The following RBM26 variants were observed in gnomAD, a reference collection of about 807,000 sequenced individuals.
RBM26 encodes RNA-binding protein 26.
RBM26 carries 30 observed loss-of-function variants against 123.6 expected under a neutral mutation model. The observed-to-expected ratio is 0.24, with a 90% confidence interval of 0.18 to 0.33. The LOEUF (loss-of-function observed/expected upper bound fraction) is 0.33, where lower values mean the gene tolerates loss of function less well. RBM26 is among the 10% of genes least tolerant of loss of function. The probability of loss-of-function intolerance (pLI) is 1.00; values close to 1 mark genes in which losing one functional copy is unlikely to be tolerated. For synonymous variants in RBM26, 400 were observed against 404.4 expected, an observed-to-expected ratio of 0.99 and a Z score of 0.13; for missense variants, 947 against 1,203.6, an observed-to-expected ratio of 0.79 and a Z score of 3.15.
chr13:79,335,708 C>CT (rs2070246081), intron 19 of RBM26, among the ~76,000 whole-genome samples: 2 of 152,102 alleles, frequency 1.3e-5, no homozygotes, highest in South Asian at 4.1e-4. Context: ...TTTAGAGGCT[C>CT]TGAATACTTC....
At chr13:79,328,326 A>G (rs986544367) in intron 20 of RBM26, among the ~76,000 whole-genome samples, 62 of 152,156 alleles carry the variant, frequency 4.1e-4, no homozygotes, top group African/African-American at 1.5e-3. Context: ...TCTGGAACAC[A>G]CCCAAATAAA....
At position 79,347,581 on chromosome 13, in the gene RBM26, A is replaced by C. The variant is rs376850273; in HGVS notation, c.2059-2787T>G. ...AACAGAGACAGTGACTTCTCCAAAC[A>C]ACCACATTTCTATATTCCAAATGCA... On this transcript the variant is annotated intron_variant, in intron 14 of 21. Coordinates refer to ENST00000438737, the MANE Select transcript of RBM26 (RefSeq NM_001366735.2). Among the ~76,000 whole-genome samples, 359 of 152,324 alleles carry C rather than the reference A, an allele frequency of 2.4e-3. 2 individuals are homozygous for C. The highest frequency in any genetic ancestry group is 8.2e-3 in the African/African-American group (339 of 41,584).
At chr13:79,405,137 A>G (rs954053081) in intron 1 of RBM26, among the ~76,000 whole-genome samples, 1 of 152,212 alleles carries the variant, frequency 6.6e-6, no homozygotes, top group African/African-American at 2.4e-5. Flanking sequence ...TGAAGATTCA[A>G]TTTTCTTCCT....
chr13:79,390,273 G>C (rs1338788011), intron 1 of RBM26, among the ~76,000 whole-genome samples: 3 of 151,996 alleles, frequency 2.0e-5, no homozygotes, highest in African/African-American at 7.3e-5. Context: ...ATACTACTCA[G>C]CAATACAAAG....
chr13:79,362,032 A>C (rs2074753194), intron 9 of RBM26, among the ~76,000 whole-genome samples: 1 of 152,112 alleles, frequency 6.6e-6, no homozygotes. Context: ...AAGATTAAGG[A>C]CCAAAGTTCT....
At chr13:79,395,022 A>C (rs1056051606) in intron 1 of RBM26, among the ~76,000 whole-genome samples, 18 of 152,208 alleles carry the variant, frequency 1.2e-4, no homozygotes, top group African/African-American at 4.3e-4. Flanking sequence ...GCCCAGAACC[A>C]ATCAGACTAC....
At chr13:79,346,078 A>G (rs1160885452) in intron 14 of RBM26, among the ~76,000 whole-genome samples, 1 of 152,190 alleles carries the variant, frequency 6.6e-6, no homozygotes. Context: ...CATGACCTAA[A>G]TAAGGTTAAA....
downstream of RBM26, chr13:79,314,383 G>A (rs1251238811): frequency 3.3e-5 from 5 of 151,650 alleles, no homozygotes; most frequent in East Asian, 1.9e-4. Context: ...TGGTTTTGAA[G>A]GGCTAAGAAT....
Position 79,320,087 on chromosome 13 carries a change from AC to A in RBM26, c.*533del. Reference sequence around the variant, plus strand: ...GCAGTCATACACCATTATCATTAAAACCCATATGGTAAAATACATACACAGT... The same window carrying A: ...GCAGTCATACACCATTATCATTAAAACCATATGGTAAAATACATACACAGT... On this transcript the variant is annotated 3_prime_UTR_variant, in exon 22 of 22. Coordinates refer to ENST00000438737, the MANE Select transcript of RBM26 (RefSeq NM_001366735.2). 1 of 976,072 alleles carries A rather than the reference AC, an allele frequency of 1.0e-6. No individual in the cohort carries two copies. The highest frequency in any genetic ancestry group is 1.2e-6 in the Non-Finnish European group (1 of 823,702). 60.5% of individuals were successfully genotyped at this position (976,072 alleles called of 1,614,324 possible).
intron 1 of RBM26, among the ~76,000 whole-genome samples, chr13:79,404,584 C>A (rs1240393642): frequency 6.6e-6 from 1 of 152,214 alleles, no homozygotes; most frequent in Non-Finnish European, 1.5e-5. Flanking sequence ...CTCTTTCCAG[C>A]CACAGTGGCC....
intron 1 of RBM26, among the ~76,000 whole-genome samples, chr13:79,384,867 C>T (rs1235884554): frequency 6.6e-6 from 1 of 152,026 alleles, no homozygotes; most frequent in Non-Finnish European, 1.5e-5. Context: ...GTAATGAGAC[C>T]GTAAAGAAAG....
At chr13:79,347,322 CTG>C (rs2072502308) in intron 14 of RBM26, among the ~76,000 whole-genome samples, 2 of 152,194 alleles carry the variant, frequency 1.3e-5, no homozygotes, top group Admixed American at 1.3e-4. Context: ...CAATCATAAC[CTG>C]TGTCTAACAA....
At position 79,327,034 on chromosome 13, in the gene RBM26, A is replaced by T. The variant is rs865898729; in HGVS notation, c.2821-4572T>A. 2.0e-5 allele frequency among the ~76,000 whole-genome samples: 3 copies of T among 152,094 alleles called. No individual in the cohort carries two copies. In the South Asian group the frequency reaches 6.2e-4, roughly 31 times the overall value. The stretch of plus-strand genomic sequence containing the variant: ...TTCTAGCCTGGGCGTAGTGACAGAA[A>T]CCTGTAATTCTAGCACTTTGTGAGG... On this transcript the variant is annotated intron_variant, in intron 20 of 21. Transcript: ENST00000438737.
chr13:79,385,008 C>T (rs1175790672), intron 1 of RBM26, among the ~76,000 whole-genome samples: 1 of 152,102 alleles, frequency 6.6e-6, no homozygotes, highest in African/African-American at 2.4e-5. Flanking sequence ...TGAAAAGAAG[C>T]TGGAGGTGGT....
At chr13:79,401,366 C>T (rs2079040732) in intron 1 of RBM26, among the ~76,000 whole-genome samples, 1 of 152,100 alleles carries the variant, frequency 6.6e-6, no homozygotes, top group Non-Finnish European at 1.5e-5. Flanking sequence ...TATGCAGTAA[C>T]AGAAAACACT....
chr13:79,384,625 A>G (rs2077335854), intron 1 of RBM26, among the ~76,000 whole-genome samples: 1 of 152,218 alleles, frequency 6.6e-6, no homozygotes, highest in African/African-American at 2.4e-5. Flanking sequence ...TTAAAAGCAT[A>G]GAAGTGACCA....
intron 11 of RBM26, among the ~76,000 whole-genome samples, chr13:79,356,262 G>A (rs902086991): frequency 4.6e-5 from 7 of 151,794 alleles, no homozygotes; most frequent in African/African-American, 1.7e-4. Flanking sequence ...CCAGCTACTC[G>A]GGACGCTGAG....
chr13:79,368,646 G>C (rs2075580270), intron 6 of RBM26, 84 bp downstream of exon 6: 1 of 1,327,196 alleles, frequency 7.5e-7, no homozygotes, highest in Non-Finnish European at 1.0e-6. Context: ...GTAAGTCTTT[G>C]AATAACTATG....
At chr13:79,405,645 T>C in intron 1 of RBM26, 59 bp downstream of exon 1, 1 of 1,281,728 alleles carries the variant, frequency 7.8e-7, no homozygotes, top group Admixed American at 1.9e-5. Context: ...TGCACAGATC[T>C]CTGGGTCCGC....
Sources: allele counts gnomAD v4.1 joint callset (sites outside exome capture counted in the v4.1 genomes callset), GRCh38; gene constraint gnomAD v4.1.1; transcripts MANE v1.5; gene names NCBI Gene and HGNC (gene_info 2026-07-23, HGNC 2026-07-21).